The following LMNB1 variants were observed in gnomAD, a reference collection of about 807,000 sequenced individuals.
LMNB1 encodes lamin B1, also known as lamin-B1.
LMNB1 carries 23 observed loss-of-function variants against 67.1 expected under a neutral mutation model. That is an observed-to-expected ratio of 0.34 (90% CI 0.25 to 0.49). The LOEUF is 0.49. LMNB1 is among the 20% of genes least tolerant of loss of function. The pLI, the probability that LMNB1 is intolerant of heterozygous loss-of-function variation, is 0.99. For synonymous variants in LMNB1, 281 were observed against 282.9 expected (o/e 0.99, Z 0.07); for missense variants, 634 against 746.5 (o/e 0.85, Z 1.76).
Position 126,820,927 on chromosome 5 carries a change from G to A in LMNB1, c.1178G>A (p.Ser393Asn), listed in dbSNP as rs150504258. 26 of 1,613,516 alleles carry A rather than the reference G, an allele frequency of 1.6e-5. No individual in the cohort carries two copies. Among genetic ancestry groups the A allele is most frequent in the Non-Finnish European group, 2.1e-5 (25 of 1,179,778 alleles). ...GEEERLKLSP[S>N]PSSRVTVSRA... ...CCATATAGGTTGAAGCTGTCTCCAA[G>A]CCCTTCTTCCCGTGTGACAGTATCC... is the stretch of plus-strand genomic sequence containing the variant. The change falls in exon 7 of 11, where the codon AGC (serine) becomes AAC (asparagine). Residue 393 changes from serine (S) to asparagine (N), a missense_variant. Ser to Asn is a conservative substitution (Grantham distance 46). Transcript: ENST00000261366.
At chr5:126,811,394 T>G (rs1751574539) in intron 4 of LMNB1, among the ~76,000 whole-genome samples, 1 of 152,230 alleles carries the variant, frequency 6.6e-6, no homozygotes, top group Non-Finnish European at 1.5e-5. Flanking sequence ...CATTCTGTAT[T>G]GGATTTGGTG....
rs536329747 is a variant in LMNB1, at chr5:126,803,989, C to G, written c.360-787C>G. 2.7e-4 allele frequency among the ~76,000 whole-genome samples: 41 copies of G among 151,910 alleles called. No homozygotes were observed. In the South Asian group the frequency reaches 8.5e-3, roughly 31 times the overall value. ...CAAGCTTGGGGTCAATTAGTTCTTA[C>G]TAATATCAGGGGAGTTTCAGTATCA... On this transcript the variant is annotated intron_variant, in intron 1 of 10. Coordinates refer to ENST00000261366, the MANE Select transcript of LMNB1 (RefSeq NM_005573.4).
In LMNB1 at chr5:126,836,743, G is replaced by A. The variant is rs932995584; in HGVS notation, c.*479G>A. On this transcript the variant is annotated 3_prime_UTR_variant, in exon 11 of 11. Coordinates refer to ENST00000261366, the MANE Select transcript of LMNB1 (RefSeq NM_005573.4). ...TTTGTACTGAATTTTTTTGTAATAA[G>A]CAATCAAGGTTATAATTTTTTTTAA... 5 of 392,300 alleles carry A rather than the reference G, an allele frequency of 1.3e-5. No homozygotes were observed. Among genetic ancestry groups the A allele is most frequent in the Non-Finnish European group, 1.8e-5 (4 of 222,848 alleles). 24.3% of individuals were successfully genotyped at this position (392,300 alleles called of 1,614,324 possible). A position where few individuals can be genotyped will look rare whatever the true frequency, so the allele number is the denominator to read the frequency against.
chr5:126,798,908 A>G (rs1244566474), intron 1 of LMNB1, among the ~76,000 whole-genome samples: 1 of 152,196 alleles, frequency 6.6e-6, no homozygotes, highest in Non-Finnish European at 1.5e-5. Context: ...AGCTAAGCAT[A>G]TCCACAAATA....
At chr5:126,790,999 C>T (rs562803221) in intron 1 of LMNB1, among the ~76,000 whole-genome samples, 4 of 151,754 alleles carry the variant, frequency 2.6e-5, no homozygotes, top group South Asian at 4.2e-4. Flanking sequence ...CCAGCCTGAG[C>T]GACAAGAGCG....
chr5:126,788,457 C>T (rs1031333897), intron 1 of LMNB1, among the ~76,000 whole-genome samples: 6 of 151,934 alleles, frequency 3.9e-5, no homozygotes, highest in Admixed American at 1.3e-4. Context: ...GGCAACATGG[C>T]GAAACCCCGT....
intron 9 of LMNB1, 134 bp from the exon 10 acceptor site, chr5:126,832,560 A>G: frequency 1.8e-6 from 1 of 556,790 alleles, no homozygotes; most frequent in Non-Finnish European, 3.2e-6. Flanking sequence ...TTGGCCTCCC[A>G]AAGTGCTGGG....
At chr5:126,798,613 A>G (rs989618161) in intron 1 of LMNB1, among the ~76,000 whole-genome samples, 4 of 152,196 alleles carry the variant, frequency 2.6e-5, no homozygotes, top group African/African-American at 9.7e-5. Context: ...TAGAGATTAT[A>G]GAAGCATCAG....
intron 5 of LMNB1, among the ~76,000 whole-genome samples, chr5:126,817,073 TGTTTG>T (rs531010833): frequency 0.076 from 6,230 of 82,184 alleles, 424 homozygotes; most frequent in African/African-American, 0.19. Context: ...ATTCCCCGTT[TGTTTG>T]GTTTGTTTGT....
intron 1 of LMNB1, among the ~76,000 whole-genome samples, chr5:126,798,382 G>A (rs1052532449): frequency 1.3e-5 from 2 of 150,504 alleles, no homozygotes; most frequent in African/African-American, 2.4e-5. Context: ...CCCAGGAGGC[G>A]GAGCTTGCAG....
intron 1 of LMNB1, among the ~76,000 whole-genome samples, chr5:126,792,742 A>T (rs1175617294): frequency 1.3e-5 from 2 of 151,494 alleles, no homozygotes; most frequent in Admixed American, 1.3e-4. Flanking sequence ...ACGCCTGGCT[A>T]ATTTTGTATT....
At chr5:126,781,109 C>T (rs893021796) in intron 1 of LMNB1, among the ~76,000 whole-genome samples, 2 of 152,006 alleles carry the variant, frequency 1.3e-5, no homozygotes, top group Admixed American at 1.3e-4. Context: ...TCCAACATGG[C>T]GAGACCCCGT....
At chr5:126,829,225 A>C (rs751348770) in intron 9 of LMNB1, among the ~76,000 whole-genome samples, 17 of 151,994 alleles carry the variant, frequency 1.1e-4, no homozygotes, top group Non-Finnish European at 1.5e-4. Context: ...TTGGGCTCAC[A>C]TAATAAAAAA....
chr5:126,782,139 A>G (rs1750648816), intron 1 of LMNB1, among the ~76,000 whole-genome samples: 1 of 152,196 alleles, frequency 6.6e-6, no homozygotes, highest in African/African-American at 2.4e-5. Context: ...TGTTAACTAT[A>G]CGGGAAAACT....
At chr5:126,786,258 G>A (rs1027880958) in intron 1 of LMNB1, among the ~76,000 whole-genome samples, 2 of 151,236 alleles carry the variant, frequency 1.3e-5, no homozygotes, top group Non-Finnish European at 1.5e-5. Flanking sequence ...AAGTAGCTGG[G>A]ACTACAGGTG....
intron 5 of LMNB1, among the ~76,000 whole-genome samples, chr5:126,813,041 G>T (rs900391768): frequency 9.2e-5 from 14 of 152,100 alleles, no homozygotes; most frequent in Admixed American, 9.2e-4. Context: ...TTTTACTCTT[G>T]ATTGGGCTTT....
rs1039398908 is a variant in LMNB1 at position 126,799,585 on chromosome 5, G to A, written c.360-5191G>A. 2.6e-5 allele frequency among the ~76,000 whole-genome samples: 4 copies of A among 152,220 alleles called. No homozygotes were observed. In the East Asian group the frequency reaches 5.8e-4, roughly 22 times the overall value. ...TAGTGCCTGACCCTGAGCAGTAAAG[G>A]TACTGAGGGTCCAGAAGAAGGAAGG... On this transcript the variant is annotated intron_variant, in intron 1 of 10. Coordinates refer to ENST00000261366, the MANE Select transcript of LMNB1 (RefSeq NM_005573.4).
intron 5 of LMNB1, among the ~76,000 whole-genome samples, chr5:126,816,589 C>A (rs571494523): frequency 6.6e-6 from 1 of 152,308 alleles, no homozygotes; most frequent in South Asian, 2.1e-4. Flanking sequence ...CGTCTCCAGA[C>A]TATTTGGATT....
At chr5:126,793,010 G>A (rs545689563) in intron 1 of LMNB1, among the ~76,000 whole-genome samples, 2 of 152,326 alleles carry the variant, frequency 1.3e-5, no homozygotes, top group Non-Finnish European at 2.9e-5. Context: ...GAGCTTTTAT[G>A]TGTGAGGCCA....
Sources: allele counts gnomAD v4.1 joint callset (sites outside exome capture counted in the v4.1 genomes callset), GRCh38; gene constraint gnomAD v4.1.1; transcripts MANE v1.5; gene names NCBI Gene and HGNC (gene_info 2026-07-23, HGNC 2026-07-21).